GALNT13: variants seen among roughly 807,000 people sequenced by gnomAD.
GALNT13 encodes the protein polypeptide N-acetylgalactosaminyltransferase 13, also known as UDP-GalNAc:polypeptide N-acetylgalactosaminyltransferase 13.
Under a neutral mutation model 64.2 loss-of-function variants are expected in GALNT13, and 28 were observed. The observed-to-expected ratio is 0.44, with a 90% CI of 0.32 to 0.60. The LOEUF (loss-of-function observed/expected upper bound fraction) is 0.60. Among genes scored for constraint, GALNT13 ranks in the 20% least tolerant of loss-of-function variants. GALNT13 has a pLI of 0.05. For synonymous variants in GALNT13, 214 were observed against 224.6 expected, an observed-to-expected ratio of 0.95 and a Z score of 0.42; for missense variants, 577 against 669.8, an observed-to-expected ratio of 0.86 and a Z score of 1.53.
chr2:154,437,506 T>C lies in GALNT13; in HGVS notation c.1396-1086T>C, dbSNP rs184869044. The C allele has an allele frequency of 3.2e-6, 4 of 1,262,016 alleles. No homozygotes were observed. The East Asian group carries it at 2.4e-4, about 75-fold the overall frequency. The allele number at this position is 1,262,016 out of a possible 1,614,324, so 78.2% of individuals were successfully genotyped here. On this transcript the variant is annotated intron_variant, in intron 11 of 12. Transcript: ENST00000392825. ...GGAGAAAGAAAAACCCACAGAATAC[T>C]GAACAATGCTTATCGTAGTTAAAAG...
At chr2:153,932,626 C>CTTT (rs34617568) in intron 2 of GALNT13, among the ~76,000 whole-genome samples, 12 of 95,618 alleles carry the variant, frequency 1.3e-4, no homozygotes, top group Non-Finnish European at 1.6e-4. Flanking sequence ...TTCTGTCTTT[C>CTTT]TTTTTTTTTT....
At chr2:154,025,080 G>A (rs955309279) in intron 3 of GALNT13, among the ~76,000 whole-genome samples, 11 of 152,158 alleles carry the variant, frequency 7.2e-5, no homozygotes, top group East Asian at 3.9e-4. Flanking sequence ...GTACCCAGCC[G>A]TGTAAGTTGT....
chr2:154,273,330 AG>A (rs1691456459), intron 8 of GALNT13, among the ~76,000 whole-genome samples: 1 of 152,108 alleles, frequency 6.6e-6, no homozygotes, highest in Admixed American at 6.6e-5. Flanking sequence ...CATTCAGCAT[AG>A]AAAAAAAATG....
chr2:153,832,597 T>A, the GALNT13 span, among the ~76,000 whole-genome samples: 1 of 152,146 alleles, frequency 6.6e-6, no homozygotes, highest in Non-Finnish European at 1.5e-5. Context: ...ATATTACTGA[T>A]GATATTGTTT....
intron 9 of GALNT13, among the ~76,000 whole-genome samples, chr2:154,391,228 C>G (rs778959579): frequency 9.9e-5 from 15 of 152,124 alleles, no homozygotes; most frequent in Non-Finnish European, 2.2e-4. Context: ...TTTCTAATAG[C>G]CCTAGTGTAT....
At chr2:153,647,961 T>C in the GALNT13 span, among the ~76,000 whole-genome samples, 1 of 152,170 alleles carries the variant, frequency 6.6e-6, no homozygotes, top group African/African-American at 2.4e-5. Flanking sequence ...TCTTTTTTGG[T>C]TCCATATGAA....
the GALNT13 span, among the ~76,000 whole-genome samples, chr2:153,211,908 A>G: frequency 6.6e-6 from 1 of 152,212 alleles, no homozygotes; most frequent in Non-Finnish European, 1.5e-5. Flanking sequence ...CTGCAGAGAA[A>G]GACACAGTTA....
At chr2:153,581,267 G>C in the GALNT13 span, among the ~76,000 whole-genome samples, 1 of 152,044 alleles carries the variant, frequency 6.6e-6, no homozygotes, top group African/African-American at 2.4e-5. Flanking sequence ...CATTTGTTCA[G>C]TCAATGAATA....
chr2:153,103,952 A>C, the GALNT13 span, among the ~76,000 whole-genome samples: 1 of 152,154 alleles, frequency 6.6e-6, no homozygotes, highest in African/African-American at 2.4e-5. Context: ...CTAATGATAC[A>C]TTATATTCTT....
chr2:153,464,075 A>G, the GALNT13 span, among the ~76,000 whole-genome samples: 1 of 152,170 alleles, frequency 6.6e-6, no homozygotes, highest in East Asian at 1.9e-4. Flanking sequence ...GCATCCCTTA[A>G]GCACACCAGG....
chr2:153,300,104 C>G, the GALNT13 span, among the ~76,000 whole-genome samples: 1 of 152,134 alleles, frequency 6.6e-6, no homozygotes, highest in Non-Finnish European at 1.5e-5. Context: ...ATTACTGTTA[C>G]TGAGATTTTA....
chr2:153,932,319 T>C (rs530581859), intron 2 of GALNT13, among the ~76,000 whole-genome samples: 1 of 152,030 alleles, frequency 6.6e-6, no homozygotes, highest in East Asian at 2.0e-4. Flanking sequence ...ATTTCTTTTC[T>C]TCTGCTTGCT....
chr2:153,136,580 A>G, the GALNT13 span, among the ~76,000 whole-genome samples: 1 of 152,114 alleles, frequency 6.6e-6, no homozygotes, highest in African/African-American at 2.4e-5. Context: ...CCACTCAGCT[A>G]AAAGAAATAA....
At chr2:153,930,870 G>A in intron 2 of GALNT13, among the ~76,000 whole-genome samples, 1 of 152,050 alleles carries the variant, frequency 6.6e-6, no homozygotes, top group East Asian at 1.9e-4. Flanking sequence ...AATGTCCTTG[G>A]TAGTTTGATA....
At chr2:153,849,949 C>T in the GALNT13 span, among the ~76,000 whole-genome samples, 1 of 140,182 alleles carries the variant, frequency 7.1e-6, no homozygotes, top group Admixed American at 7.9e-5. Flanking sequence ...ATCACGAGGT[C>T]ATGAGATCGA....
the GALNT13 span, chr2:153,421,111 C>G: frequency 3.8e-6 from 1 of 262,554 alleles, no homozygotes; most frequent in Non-Finnish European, 8.0e-6. Context: ...TCACATTTCA[C>G]CATCTGGTTG....
At chr2:153,647,684 G>A in the GALNT13 span, among the ~76,000 whole-genome samples, 1 of 152,110 alleles carries the variant, frequency 6.6e-6, no homozygotes, top group South Asian at 2.1e-4. Flanking sequence ...TTCTACATAT[G>A]GCTAGCCAGT....
chr2:154,425,734 C>CGGTTAGATGT (rs1700440827), intron 11 of GALNT13, among the ~76,000 whole-genome samples: 1 of 152,008 alleles, frequency 6.6e-6, no homozygotes, highest in African/African-American at 2.4e-5. Flanking sequence ...TGATAACACT[C>CGGTTAGATGT]GGTTAGATGT....
At chr2:153,664,417 A>G in the GALNT13 span, among the ~76,000 whole-genome samples, 1 of 152,184 alleles carries the variant, frequency 6.6e-6, no homozygotes, top group Non-Finnish European at 1.5e-5. Flanking sequence ...TTCCCTGAAA[A>G]TCGCTGTTAT....
Sources: gnomAD v4.1 joint callset for allele counts (sites outside exome capture counted in the v4.1 genomes callset) on GRCh38, gnomAD v4.1.1 for gene constraint, MANE v1.5 for transcripts, NCBI Gene and HGNC (gene_info 2026-07-23, HGNC 2026-07-21) for gene names.